The following IKZF4 variants were observed in gnomAD, a reference collection of about 807,000 sequenced individuals.
IKZF4 encodes the protein IKAROS family zinc finger 4, also known as zinc finger protein Eos.
IKZF4 carries 11 observed loss-of-function variants against 47.7 expected under a neutral mutation model. That is an observed-to-expected ratio of 0.23 (90% CI 0.15 to 0.38). The LOEUF (loss-of-function observed/expected upper bound fraction) is 0.38, where lower values mean the gene tolerates loss of function less well. Among genes scored for constraint, IKZF4 ranks in the 10% least tolerant of loss-of-function variants. IKZF4 has a pLI of 1.00. For synonymous variants in IKZF4, 298 were observed against 299.4 expected, an observed-to-expected ratio of 1.00 and a Z score of 0.05; for missense variants, 557 against 784.9, an observed-to-expected ratio of 0.71 and a Z score of 3.47.
intron 1 of IKZF4, chr12:56,011,094 T>C (rs1891273124): frequency 6.6e-6 from 1 of 152,220 alleles, no homozygotes; most frequent in Non-Finnish European, 1.5e-5. Context: ...TTGAGAGTGC[T>C]AACCCTGTTT....
intron 1 of IKZF4, chr12:56,007,864 G>C (rs1227822750): frequency 6.5e-6 from 1 of 152,672 alleles, no homozygotes; most frequent in Non-Finnish European, 1.5e-5. Context: ...GGCTGAGAGA[G>C]GGTCGCGGGT....
At chr12:56,030,492 G>T (rs1894752566) in intron 5 of IKZF4, among the ~76,000 whole-genome samples, 1 of 151,466 alleles carries the variant, frequency 6.6e-6, no homozygotes, top group Non-Finnish European at 1.5e-5. Flanking sequence ...CACTTTGGGA[G>T]GCCAAGGCGG....
chr12:56,030,845 G>A (rs1299006235), intron 5 of IKZF4, among the ~76,000 whole-genome samples: 1 of 152,196 alleles, frequency 6.6e-6, no homozygotes, highest in Non-Finnish European at 1.5e-5. Flanking sequence ...CAGTTAGATG[G>A]GAGGCATAAG....
At chr12:56,028,807 C>T (rs1036700841) in intron 5 of IKZF4, among the ~76,000 whole-genome samples, 3 of 152,044 alleles carry the variant, frequency 2.0e-5, no homozygotes, top group African/African-American at 7.2e-5. Context: ...AACTCTTGAT[C>T]TCAAGCAATC....
intron 2 of IKZF4, 168 bp from the exon 3 acceptor site, chr12:56,024,886 C>T (rs1246143258): frequency 1.3e-6 from 2 of 1,495,298 alleles, no homozygotes; most frequent in Non-Finnish European, 1.8e-6. Context: ...ACCAGGCATC[C>T]AGACTGGCGG....
In IKZF4 at chr12:56,021,218, T is replaced by C. The variant is rs1892860415; in HGVS notation, c.-276T>C. The C allele has an allele frequency of 2.8e-6, 4 of 1,436,014 alleles. No individual in the cohort carries two copies. In the African/African-American group the frequency reaches 4.4e-5, roughly 16 times the overall value. 89.0% of individuals were successfully genotyped at this position (1,436,014 alleles called of 1,614,324 possible). A position where few individuals can be genotyped will look rare whatever the true frequency, so the allele number is the denominator to read the frequency against. ...TCCCCCACTATATACACATATACATTCTCTCCAGCCCCCTCCCCAAGCACA... is the reference window on the plus strand; with the variant it reads ...TCCCCCACTATATACACATATACATCCTCTCCAGCCCCCTCCCCAAGCACA... On this transcript the variant is annotated 5_prime_UTR_variant, in exon 1 of 8. Coordinates refer to ENST00000547167, the MANE Select transcript of IKZF4 (RefSeq NM_022465.4).
Position 56,021,177 on chromosome 12 carries a change from G to T in IKZF4, c.-317G>T. On this transcript the variant is annotated 5_prime_UTR_variant, in exon 1 of 8. An upstream start codon of the reference 5' UTR is lost. Transcript: ENST00000547167. ...CCCTTCACTGTCTTGGAAAAGGGATGCTGTAGCCTAGCATCTCCCCCACTA... is the reference window on the plus strand; with the variant it reads ...CCCTTCACTGTCTTGGAAAAGGGATTCTGTAGCCTAGCATCTCCCCCACTA... The T allele has an allele frequency of 8.9e-6, 12 of 1,350,074 alleles. No individual in the cohort carries two copies. Among genetic ancestry groups the T allele is most frequent in the Admixed American group, 3.2e-5 (1 of 30,904 alleles). The allele number at this position is 1,350,074 out of a possible 1,614,324, so 83.6% of individuals were successfully genotyped here.
At chr12:56,013,101 G>C (rs1489689594) in intron 2 of IKZF4, among the ~76,000 whole-genome samples, 2 of 152,154 alleles carry the variant, frequency 1.3e-5, no homozygotes, top group Middle Eastern at 3.2e-3. Context: ...TTTTGAATTG[G>C]AACACTGATT....
intron 1 of IKZF4, among the ~76,000 whole-genome samples, chr12:56,009,285 G>A (rs1034851097): frequency 2.0e-5 from 3 of 152,212 alleles, no homozygotes; most frequent in Non-Finnish European, 4.4e-5. Context: ...GCATGAAAAT[G>A]TTATCTGACT....
At position 56,037,710 on chromosome 12, in the gene IKZF4, C is replaced by T. The variant is rs1895736437; in HGVS notation, c.*2379C>T. On this transcript the variant is annotated 3_prime_UTR_variant, in exon 8 of 8. Transcript: ENST00000547167. The stretch of plus-strand genomic sequence containing the variant: ...CAGGTGCTAAGGAGGGGAGAGGGGG[C>T]ATCCTGTCTCTCTCCAGACCATCAC... 1 of 152,604 alleles carries T rather than the reference C, an allele frequency of 6.6e-6. No homozygotes were observed. Among genetic ancestry groups the T allele is most frequent in the African/African-American group, 2.4e-5 (1 of 41,378 alleles). 9.5% of individuals were successfully genotyped at this position (152,604 alleles called of 1,614,324 possible).
intron 2 of IKZF4, among the ~76,000 whole-genome samples, chr12:56,012,931 C>T (rs1456634453): frequency 1.3e-5 from 2 of 152,150 alleles, no homozygotes; most frequent in African/African-American, 4.8e-5. Flanking sequence ...CTGTAGTGTG[C>T]TGTGATTGTG....
In IKZF4 at chr12:56,034,828, C is replaced by G; in HGVS notation, c.1255C>G (p.Arg419Gly). The G allele has an allele frequency of 6.2e-7, 1 of 1,613,906 alleles. No individual in the cohort carries two copies. Among genetic ancestry groups the G allele is most frequent in the Non-Finnish European group, 8.5e-7 (1 of 1,179,852 alleles). Reference sequence around the variant, plus strand: ...TGGTCGACTGGAGCTTCCAGGATCCCGAGAAGCAGGTGAGGGACCTGAGGA... The same window carrying G: ...TGGTCGACTGGAGCTTCCAGGATCCGGAGAAGCAGGTGAGGGACCTGAGGA... ...LPGRLELPGS[R>G]EAGEGPEDLA... Residue 419 changes from arginine to glycine, a missense_variant, in exon 8 of 8, where the codon CGA becomes GGA. Physicochemically the swap from Arg to Gly is moderately radical, Grantham distance 125 (BLOSUM62 -2). Around this residue, in one of 6 missense-constraint regions of IKZF4, gnomAD observed 280 missense variants for 314.0 expected, o/e 0.89. Coordinates refer to ENST00000547167, the MANE Select transcript of IKZF4 (RefSeq NM_022465.4).
Position 56,021,714 on chromosome 12 carries a change from G to GTA in IKZF4, c.87+135_87+136insAT, listed in dbSNP as rs2136626545. The GTA allele has an allele frequency of 4.1e-6, 5 of 1,217,362 alleles. No individual in the cohort carries two copies. In the South Asian group the frequency reaches 7.5e-5, roughly 18 times the overall value. The allele number at this position is 1,217,362 out of a possible 1,614,324, so 75.4% of individuals were successfully genotyped here. A position where few individuals can be genotyped will look rare whatever the true frequency, so the allele number is the denominator to read the frequency against. On this transcript the variant is annotated intron_variant, in intron 1 of 7. Transcript: ENST00000547167. Reference sequence around the variant, plus strand: ...TGTGTGTGTGTGTGTGTGTGTGTGTGTGTGTGTGTGTGTGTGTAGCGGGGG... The same window carrying GTA: ...TGTGTGTGTGTGTGTGTGTGTGTGTGTATGTGTGTGTGTGTGTGTAGCGGGGG...
intron 1 of IKZF4, among the ~76,000 whole-genome samples, chr12:56,023,163 A>G (rs1277058776): frequency 6.6e-6 from 1 of 152,172 alleles, no homozygotes; most frequent in Non-Finnish European, 1.5e-5. Context: ...CGCTGGCCTC[A>G]AGAGGCAGCC....
chr12:56,016,682 C>A (rs916511042), upstream of IKZF4, among the ~76,000 whole-genome samples: 1 of 152,038 alleles, frequency 6.6e-6, no homozygotes, highest in Non-Finnish European at 1.5e-5. Context: ...CCGCAACCTC[C>A]GCCTCCTGGG....
chr12:56,030,655 G>A (rs185055375), intron 5 of IKZF4, among the ~76,000 whole-genome samples: 56 of 152,158 alleles, frequency 3.7e-4, no homozygotes, highest in African/African-American at 1.2e-3. Flanking sequence ...CTTGAGCCCA[G>A]GAGGCAGAGG....
At chr12:56,025,867 AAG>A (rs1893890518) in intron 3 of IKZF4, among the ~76,000 whole-genome samples, 1 of 152,112 alleles carries the variant, frequency 6.6e-6, no homozygotes, top group Non-Finnish European at 1.5e-5. Flanking sequence ...TCTTCATGAC[AAG>A]AGAGTAGAGA....
At chr12:56,021,612 G>A in intron 1 of IKZF4, 32 bp downstream of exon 1, 1 of 1,574,374 alleles carries the variant, frequency 6.4e-7, no homozygotes, top group South Asian at 1.2e-5. Flanking sequence ...CTAGTGGAGG[G>A]AGGAAGGGGG....
In IKZF4 at chr12:56,033,336, G is replaced by A; in HGVS notation, c.997+15G>A. On this transcript the variant is annotated intron_variant, in intron 7 of 7. Coordinates refer to ENST00000547167, the MANE Select transcript of IKZF4 (RefSeq NM_022465.4). The stretch of plus-strand genomic sequence containing the variant: ...GAAGTTTGTAGGTAAGAATCCAGTT[G>A]GAAAGACGTATCAGCTTTAAGCCAC... The A allele has an allele frequency of 6.2e-7, 1 of 1,613,728 alleles. No individual in the cohort carries two copies. Among genetic ancestry groups the A allele is most frequent in the South Asian group, 1.1e-5 (1 of 91,068 alleles).
Sources: allele counts gnomAD v4.1 joint callset (sites outside exome capture counted in the v4.1 genomes callset), GRCh38; gene constraint gnomAD v4.1.1; regional missense constraint gnomAD v4.1.1; transcripts MANE v1.5; gene names NCBI Gene and HGNC (gene_info 2026-07-23, HGNC 2026-07-21).